Variants in WDR20 observed in about 807,000 individuals in gnomAD.
The protein encoded by WDR20 is WD repeat-containing protein 20.
A neutral mutation model predicts 38.7 loss-of-function variants in WDR20; 3 were observed. That is an observed-to-expected ratio of 0.08 (90% CI 0.04 to 0.20). The LOEUF is 0.20. Ranked by LOEUF, WDR20 falls within the 10% of genes least tolerant of loss-of-function variation. The pLI, the probability that WDR20 is intolerant of heterozygous loss-of-function variation, is 1.00. For missense variants in WDR20, 559 were observed against 727.7 expected (o/e 0.77, Z 2.67); for synonymous variants, 298 against 285.6 (o/e 1.04, Z -0.44).
chr14:102,144,034 A>AT lies in WDR20; in HGVS notation c.249+3864dup, dbSNP rs200021278. ...TCCACAAAAAAATAATAAAAAAAAA[A>AT]TTAGCTGGCCATGGTGGTATGTGCC... On this transcript the variant is annotated intron_variant, in intron 1 of 2. Coordinates refer to ENST00000342702, the MANE Select transcript of WDR20 (RefSeq NM_144574.4). Among the ~76,000 whole-genome samples, 687 of 151,852 alleles carry AT rather than the reference A, an allele frequency of 4.5e-3. 6 individuals carry two copies. Among genetic ancestry groups the AT allele is most frequent in the African/African-American group, 0.015 (637 of 41,414 alleles).
rs949503087 is a variant in WDR20 at position 102,208,297 on chromosome 14, TCC to T, written c.433-304_433-303del. ...GGAAGAAAGATCCCAGCAGGGCTGT[TCC>T]CTCCGCAGTGAACCCTGTGCCTGGC... is the stretch of plus-strand genomic sequence containing the variant. On this transcript the variant is annotated intron_variant, in intron 2 of 2. Coordinates refer to ENST00000342702, the MANE Select transcript of WDR20 (RefSeq NM_144574.4). This position sits in a 1 kb window ranked among gnomAD's most constrained non-coding sequence, Gnocchi z 5.6. Among the ~76,000 whole-genome samples, 1 of 152,230 alleles carries T rather than the reference TCC, an allele frequency of 6.6e-6. No homozygotes were observed. The highest frequency in any genetic ancestry group is 2.4e-5 in the African/African-American group (1 of 41,462).
chr14:102,201,381 AAAAG>A (rs2060357978), intron 2 of WDR20, among the ~76,000 whole-genome samples: 1 of 152,240 alleles, frequency 6.6e-6, no homozygotes, highest in African/African-American at 2.4e-5. Context: ...AAAAAAAAGA[AAAAG>A]AAAATGAAGT....
At chr14:102,210,947 G>A (rs1323229107), downstream of WDR20, among the ~76,000 whole-genome samples, 1 of 152,168 alleles carries the variant, frequency 6.6e-6, no homozygotes, top group Non-Finnish European at 1.5e-5. Context: ...GATTACTCTT[G>A]GGATGCTGAC....
At chr14:102,186,747 G>A (rs1007582345) in intron 1 of WDR20, among the ~76,000 whole-genome samples, 1 of 152,014 alleles carries the variant, frequency 6.6e-6, no homozygotes, top group Non-Finnish European at 1.5e-5. Context: ...GTCAGGAGAT[G>A]GAGACCACCC....
intron 1 of WDR20, among the ~76,000 whole-genome samples, chr14:102,177,536 C>G (rs900500657): frequency 2.6e-5 from 4 of 152,040 alleles, no homozygotes; most frequent in Non-Finnish European, 5.9e-5. Flanking sequence ...AGTATTTTCT[C>G]AAAAACCCAG....
intron 2 of WDR20, among the ~76,000 whole-genome samples, chr14:102,203,705 C>G (rs1478009247): frequency 2.0e-5 from 3 of 152,198 alleles, no homozygotes; most frequent in African/African-American, 7.2e-5. Flanking sequence ...AACCCCATCC[C>G]TCAGAGGGAC....
intron 2 of WDR20, among the ~76,000 whole-genome samples, chr14:102,204,867 C>T (rs192911582): frequency 1.3e-5 from 2 of 152,198 alleles, no homozygotes; most frequent in Non-Finnish European, 2.9e-5. Context: ...CCACAATAAA[C>T]CACAGTTTAT....
chr14:102,174,586 AT>A (rs1254400274), intron 1 of WDR20, among the ~76,000 whole-genome samples: 16 of 151,614 alleles, frequency 1.1e-4, no homozygotes, highest in African/African-American at 3.9e-4. Flanking sequence ...TGCCTGGCTA[AT>A]TTTTTGTATT....
At chr14:102,152,081 A>G (rs2056090564) in intron 1 of WDR20, among the ~76,000 whole-genome samples, 1 of 151,468 alleles carries the variant, frequency 6.6e-6, no homozygotes, top group South Asian at 2.1e-4. Flanking sequence ...TGCCCGGCTA[A>G]TTTCTGTATT....
downstream of WDR20, among the ~76,000 whole-genome samples, chr14:102,217,681 A>T (rs2063385201): frequency 6.6e-6 from 1 of 152,204 alleles, no homozygotes; most frequent in Non-Finnish European, 1.5e-5. Context: ...GGGTGCCGTG[A>T]ATAAACCATG....
intron 1 of WDR20, among the ~76,000 whole-genome samples, chr14:102,151,139 TTTTTA>T (rs1411931913): frequency 6.6e-6 from 1 of 152,074 alleles, no homozygotes; most frequent in African/African-American, 2.4e-5. Context: ...GTTTATAGCC[TTTTTA>T]TTTTCTCTTC....
At chr14:102,139,642 C>A, upstream of WDR20, 1 of 641,868 alleles carries the variant, frequency 1.6e-6, no homozygotes, top group Non-Finnish European at 2.7e-6. Flanking sequence ...CTAGCTGAAG[C>A]CGGCATCACC....
At chr14:102,187,265 A>G (rs2065049191) in intron 1 of WDR20, among the ~76,000 whole-genome samples, 1 of 152,242 alleles carries the variant, frequency 6.6e-6, no homozygotes, top group African/African-American at 2.4e-5. Flanking sequence ...TCAGTGACTC[A>G]GCAGCCTCCT....
chr14:102,193,599 C>A, intron 1 of WDR20: 1 of 1,316,478 alleles, frequency 7.6e-7, no homozygotes, highest in East Asian at 2.5e-5. Flanking sequence ...CGCTCAGGTC[C>A]AGACTTCTAC....
At chr14:102,168,455 A>G (rs2060185768) in intron 1 of WDR20, among the ~76,000 whole-genome samples, 1 of 152,000 alleles carries the variant, frequency 6.6e-6, no homozygotes, top group African/African-American at 2.4e-5. Context: ...TTTTAAGCAT[A>G]ATTTAGGTCC....
At chr14:102,172,611 C>T in intron 1 of WDR20, among the ~76,000 whole-genome samples, 1 of 143,638 alleles carries the variant, frequency 7.0e-6, no homozygotes, top group Non-Finnish European at 1.6e-5. Flanking sequence ...TAGGGGCGGC[C>T]TGGCAGAGGC....
At chr14:102,149,346 A>G (rs544897553) in intron 1 of WDR20, among the ~76,000 whole-genome samples, 79 of 152,120 alleles carry the variant, frequency 5.2e-4, no homozygotes, top group African/African-American at 1.8e-3. Flanking sequence ...TGTATTTATC[A>G]TTATAATACA....
chr14:102,211,795 T>C (rs1292879416), downstream of WDR20, among the ~76,000 whole-genome samples: 1 of 152,244 alleles, frequency 6.6e-6, no homozygotes, highest in Non-Finnish European at 1.5e-5. This position sits in a 1 kb window ranked among gnomAD's most constrained non-coding sequence, Gnocchi z 4.2. Context: ...CAAATGCTTC[T>C]GAGGCATTGA....
rs909306013 is a variant in WDR20, at chr14:102,151,242, A to G, written c.249+11070A>G. ...GTGTGTCCACGGATAATGAAGGGCT[A>G]CAGTAGAGCCTGATGTTAAACCCAA... On this transcript the variant is annotated intron_variant, in intron 1 of 2. Transcript: ENST00000342702. 3.0e-5 allele frequency among the ~76,000 whole-genome samples: 4 copies of G among 135,356 alleles called. No individual in the cohort carries two copies. In the East Asian group the frequency reaches 6.5e-4, roughly 22 times the overall value. The allele number at this position is 135,356 out of a possible 152,430, so 88.8% of individuals were successfully genotyped here. A position where few individuals can be genotyped will look rare whatever the true frequency, so the allele number is the denominator to read the frequency against.
Sources: allele counts gnomAD v4.1 joint callset (sites outside exome capture counted in the v4.1 genomes callset), GRCh38; gene constraint gnomAD v4.1.1; non-coding constraint Gnocchi (gnomAD v3.1); transcripts MANE v1.5; gene names NCBI Gene and HGNC (gene_info 2026-07-23, HGNC 2026-07-21).